HMGCLL1: variants seen among roughly 807,000 people sequenced by gnomAD.
HMGCLL1 encodes the protein 3-hydroxymethyl-3-methylglutaryl-CoA lyase, cytoplasmic.
In HMGCLL1, 36 loss-of-function variants were observed where a neutral mutation model predicts 39.1. That is an observed-to-expected ratio of 0.92 (90% confidence interval 0.71 to 1.22). The LOEUF is 1.22. Among genes scored for constraint, HMGCLL1 ranks in the 50% most tolerant of loss-of-function variants. The probability of loss-of-function intolerance (pLI) is 0.00; values close to 1 mark genes in which losing one functional copy is unlikely to be tolerated. For synonymous variants in HMGCLL1, 149 were observed against 144.0 expected (o/e 1.03, Z -0.25); for missense variants, 451 against 416.5 (o/e 1.08, Z -0.72).
At chr6:55,559,796 G>A (rs1770849129) in intron 1 of HMGCLL1, among the ~76,000 whole-genome samples, 1 of 152,024 alleles carries the variant, frequency 6.6e-6, no homozygotes, top group African/African-American at 2.4e-5. Flanking sequence ...GAAGGACTGG[G>A]GCTAGAGAAG....
At chr6:55,441,701 G>A (rs1209371025) in intron 7 of HMGCLL1, among the ~76,000 whole-genome samples, 1 of 151,630 alleles carries the variant, frequency 6.6e-6, no homozygotes, top group African/African-American at 2.4e-5. Flanking sequence ...GTTTTATTTT[G>A]TTTTTTTGAG....
chr6:55,645,005 A>G, the HMGCLL1 span, among the ~76,000 whole-genome samples: 1 of 151,964 alleles, frequency 6.6e-6, no homozygotes, highest in Admixed American at 6.6e-5. Flanking sequence ...ACATTTTAAC[A>G]ATATTAATTC....
chr6:55,672,151 C>G, the HMGCLL1 span, among the ~76,000 whole-genome samples: 1 of 151,592 alleles, frequency 6.6e-6, no homozygotes, highest in African/African-American at 2.4e-5. Flanking sequence ...ATATCAATAA[C>G]TGATCTTAAT....
At chr6:55,664,786 T>G in the HMGCLL1 span, among the ~76,000 whole-genome samples, 1 of 151,680 alleles carries the variant, frequency 6.6e-6, no homozygotes, top group Non-Finnish European at 1.5e-5. Flanking sequence ...AGGATACACT[T>G]CCAATCTCAC....
At chr6:55,472,681 C>T (rs1228194787) in intron 7 of HMGCLL1, among the ~76,000 whole-genome samples, 2 of 151,360 alleles carry the variant, frequency 1.3e-5, no homozygotes, top group Non-Finnish European at 3.0e-5. Context: ...TAGACCTACA[C>T]CCAATTCCTC....
At chr6:55,458,262 A>G (rs548349067) in intron 7 of HMGCLL1, among the ~76,000 whole-genome samples, 2 of 152,320 alleles carry the variant, frequency 1.3e-5, no homozygotes, top group East Asian at 3.9e-4. Context: ...TCTAGGTGCC[A>G]CGTATACAGT....
chr6:55,593,787 T>A, the HMGCLL1 span, among the ~76,000 whole-genome samples: 2 of 152,180 alleles, frequency 1.3e-5, no homozygotes, highest in Non-Finnish European at 2.9e-5. Flanking sequence ...TAACAGTTTC[T>A]CATATATTAG....
At chr6:55,472,239 G>T (rs1451926680) in intron 7 of HMGCLL1, among the ~76,000 whole-genome samples, 1 of 151,596 alleles carries the variant, frequency 6.6e-6, no homozygotes, top group Non-Finnish European at 1.5e-5. Context: ...ACTCCCAACA[G>T]CAATATGTGA....
the HMGCLL1 span, among the ~76,000 whole-genome samples, chr6:55,626,394 T>A: frequency 2.6e-5 from 4 of 152,124 alleles, no homozygotes; most frequent in African/African-American, 9.6e-5. Flanking sequence ...TCACTGATGT[T>A]ACCATGTTCC....
At chr6:55,516,936 G>C (rs998169581) in intron 3 of HMGCLL1, among the ~76,000 whole-genome samples, 1 of 152,016 alleles carries the variant, frequency 6.6e-6, no homozygotes, top group African/African-American at 2.4e-5. Flanking sequence ...TGAGACTGGG[G>C]AAAGTTGGAA....
At chr6:55,492,546 A>G (rs1766369270) in intron 7 of HMGCLL1, among the ~76,000 whole-genome samples, 1 of 152,224 alleles carries the variant, frequency 6.6e-6, no homozygotes, top group African/African-American at 2.4e-5. Context: ...GTTTCAAGAA[A>G]GCAGTTGTGT....
At chr6:55,496,397 T>C (rs1487153056) in intron 6 of HMGCLL1, among the ~76,000 whole-genome samples, 1 of 152,178 alleles carries the variant, frequency 6.6e-6, no homozygotes, top group East Asian at 1.9e-4. Context: ...AATGATTCAG[T>C]ACTGAATCAT....
At chr6:55,475,221 A>G (rs1581825656) in intron 7 of HMGCLL1, among the ~76,000 whole-genome samples, 1 of 151,590 alleles carries the variant, frequency 6.6e-6, no homozygotes, top group African/African-American at 2.4e-5. Context: ...GTAATGAAGA[A>G]TATTCTGATA....
In HMGCLL1 at chr6:55,499,302, A is replaced by G; in HGVS notation, c.543-3T>C. 2 of 1,590,536 alleles carry G rather than the reference A, an allele frequency of 1.3e-6. No individual in the cohort carries two copies. Among genetic ancestry groups the G allele is most frequent in the Non-Finnish European group, 1.7e-6 (2 of 1,168,830 alleles). On this transcript the variant is annotated splice_polypyrimidine_tract_variant and splice_region_variant and intron_variant, in intron 5 of 8. Coordinates refer to ENST00000274901, the MANE Select transcript of HMGCLL1 (RefSeq NM_001042406.2). The stretch of plus-strand genomic sequence containing the variant: ...AGCCCAGAGCACAAGACACATACCT[A>G]AATTAAAAATACAGCCTTATAAATA...
chr6:55,538,867 G>A (rs10755781), intron 3 of HMGCLL1, among the ~76,000 whole-genome samples: 98,018 of 151,310 alleles, frequency 0.65, 31,975 homozygotes, highest in Admixed American at 0.71. Flanking sequence ...ATAAACAGCA[G>A]TGACAATGGG....
chr6:55,595,146 G>A, the HMGCLL1 span, among the ~76,000 whole-genome samples: 1 of 152,108 alleles, frequency 6.6e-6, no homozygotes, highest in Non-Finnish European at 1.5e-5. Context: ...TACCATGAAG[G>A]TTGTACTGAC....
intron 1 of HMGCLL1, among the ~76,000 whole-genome samples, chr6:55,562,139 G>C (rs1370519080): frequency 1.3e-5 from 2 of 152,246 alleles, no homozygotes; most frequent in Non-Finnish European, 2.9e-5. Context: ...CAAATTTCCT[G>C]AGATTGTAGG....
chr6:55,485,662 T>TA (rs1200838229), intron 7 of HMGCLL1, among the ~76,000 whole-genome samples: 8 of 151,756 alleles, frequency 5.3e-5, no homozygotes, highest in Non-Finnish European at 1.0e-4. Context: ...ACAATTAATT[T>TA]AAAAAATACA....
intron 1 of HMGCLL1, among the ~76,000 whole-genome samples, chr6:55,575,803 T>C: frequency 6.6e-6 from 1 of 152,160 alleles, no homozygotes; most frequent in East Asian, 1.9e-4. Flanking sequence ...CGATTGGTGC[T>C]AAGATCAAAC....
Sources: gnomAD v4.1 joint callset for allele counts (sites outside exome capture counted in the v4.1 genomes callset) on GRCh38, gnomAD v4.1.1 for gene constraint, MANE v1.5 for transcripts, NCBI Gene and HGNC (gene_info 2026-07-23, HGNC 2026-07-21) for gene names.